TYR: variants seen among roughly 807,000 people sequenced by gnomAD.
TYR encodes tyrosinase, also known as LB24-AB.
In TYR, 58 loss-of-function variants were observed where a neutral mutation model predicts 51.5. That is an observed-to-expected ratio of 1.13 (90% CI 0.91 to 1.40). TYR has a LOEUF of 1.40. Ranked by LOEUF, TYR falls within the 40% of genes most tolerant of loss-of-function variation. The probability of loss-of-function intolerance (pLI) is 0.00; values close to 1 mark genes in which losing one functional copy is unlikely to be tolerated. For missense variants in TYR, 732 were observed against 647.4 expected, an observed-to-expected ratio of 1.13 and a Z score of -1.42; for synonymous variants, 263 against 235.2, an observed-to-expected ratio of 1.12 and a Z score of -1.08.
chr11:89,205,401 T>C (rs532292791), intron 2 of TYR, among the ~76,000 whole-genome samples: 2 of 152,096 alleles, frequency 1.3e-5, no homozygotes, highest in Non-Finnish European at 2.9e-5. Flanking sequence ...AATTAAAGAA[T>C]CAGAGTTAAA....
At chr11:89,227,153 T>C (rs1943986997) in intron 2 of TYR, among the ~76,000 whole-genome samples, 1 of 152,154 alleles carries the variant, frequency 6.6e-6, no homozygotes, top group Non-Finnish European at 1.5e-5. Flanking sequence ...GAAGAACATA[T>C]GTCACAATAA....
chr11:89,210,874 T>C (rs971263465), intron 2 of TYR, among the ~76,000 whole-genome samples: 6 of 152,164 alleles, frequency 3.9e-5, no homozygotes, highest in African/African-American at 1.4e-4. Context: ...GATTCCTAAG[T>C]GAAGGAGAAA....
intron 2 of TYR, among the ~76,000 whole-genome samples, chr11:89,219,160 G>T (rs1411277384): frequency 6.6e-6 from 1 of 152,052 alleles, no homozygotes; most frequent in Non-Finnish European, 1.5e-5. Flanking sequence ...TAATTTTCTA[G>T]CCCTATATAG....
intron 2 of TYR, among the ~76,000 whole-genome samples, chr11:89,198,909 C>T (rs900566498): frequency 6.6e-6 from 1 of 152,082 alleles, no homozygotes; most frequent in Non-Finnish European, 1.5e-5. Context: ...ATCCCTTCCC[C>T]TTACCCCTAC....
In TYR at chr11:89,286,609, G is replaced by T. The variant is rs1944790532; in HGVS notation, c.1366+1655G>T. ...TTGGGGCTAACAGGAGAGGCTATAG[G>T]TCATCAACCTTGTTCTGCCCTTTGA... On this transcript the variant is annotated intron_variant, in intron 4 of 4. Transcript: ENST00000263321. Among the ~76,000 whole-genome samples, 3 of 151,910 alleles carry T rather than the reference G, an allele frequency of 2.0e-5. 1 individual carries two copies. Among genetic ancestry groups the T allele is most frequent in the Middle Eastern group, 6.8e-3 (2 of 294 alleles).
chr11:89,245,363 G>A (rs1415465766), intron 3 of TYR, among the ~76,000 whole-genome samples: 1 of 152,158 alleles, frequency 6.6e-6, no homozygotes, highest in Admixed American at 6.5e-5. Flanking sequence ...GAAATTCCGA[G>A]AGGTTAAGTA....
chr11:89,233,527 G>A (rs1850098842), intron 3 of TYR, among the ~76,000 whole-genome samples: 1 of 139,662 alleles, frequency 7.2e-6, no homozygotes, highest in African/African-American at 2.9e-5. Flanking sequence ...AGATCCATCA[G>A]AGGAATCACT....
intron 3 of TYR, among the ~76,000 whole-genome samples, chr11:89,235,315 C>T (rs1030177979): frequency 2.0e-5 from 3 of 152,146 alleles, no homozygotes; most frequent in African/African-American, 7.2e-5. Flanking sequence ...ACTCATTCCA[C>T]TTCTGACTAT....
At chr11:89,254,893 T>C (rs1472365738) in intron 3 of TYR, among the ~76,000 whole-genome samples, 2 of 151,896 alleles carry the variant, frequency 1.3e-5, no homozygotes. Flanking sequence ...CTCTAGTTTC[T>C]TGAGGTGTGA....
chr11:89,286,211 C>G (rs994004070), intron 4 of TYR, among the ~76,000 whole-genome samples: 1 of 151,716 alleles, frequency 6.6e-6, no homozygotes, highest in African/African-American at 2.4e-5. Context: ...AATGAATAAG[C>G]AGGTGGCAGA....
At chr11:89,222,196 G>A (rs1225288503) in intron 2 of TYR, among the ~76,000 whole-genome samples, 1 of 152,140 alleles carries the variant, frequency 6.6e-6, no homozygotes, top group Non-Finnish European at 1.5e-5. Flanking sequence ...GGTAGTTTTT[G>A]AAGCATGAGC....
intron 2 of TYR, among the ~76,000 whole-genome samples, chr11:89,192,566 T>C (rs1943460032): frequency 6.6e-6 from 1 of 152,138 alleles, no homozygotes; most frequent in Non-Finnish European, 1.5e-5. Flanking sequence ...AGAGTGGTTT[T>C]ACTGTTTCAT....
At position 89,178,438 on chromosome 11, in the gene TYR, G is replaced by T; in HGVS notation, c.485G>T (p.Gly162Val). 6.2e-7 allele frequency: 1 copy of T among 1,614,124 alleles called. No individual in the cohort carries two copies. Among genetic ancestry groups the T allele is most frequent in the Non-Finnish European group, 8.5e-7 (1 of 1,180,026 alleles). The change falls in exon 1 of 5, where the codon GGA becomes GTA. Residue 162 changes from glycine (G) to valine (V), a missense_variant. Gly to Val is a moderately radical substitution (Grantham distance 109, BLOSUM62 -3). Transcript: ENST00000263321. ...PIGTYGQMKN[G>V]STPMFNDINI... ...GGGACCTATGGCCAAATGAAAAATG[G>T]ATCAACACCCATGTTTAACGACATC...
chr11:89,289,512 T>A (rs1944832731), intron 4 of TYR, among the ~76,000 whole-genome samples: 1 of 151,964 alleles, frequency 6.6e-6, no homozygotes, highest in Admixed American at 6.6e-5. Context: ...GATGCCTTTC[T>A]ATCTTCATCA....
At chr11:89,209,618 C>G (rs1943723910) in intron 2 of TYR, among the ~76,000 whole-genome samples, 1 of 152,164 alleles carries the variant, frequency 6.6e-6, no homozygotes, top group African/African-American at 2.4e-5. Context: ...GCTCTTGGAG[C>G]ACAGCGTTCG....
At chr11:89,256,982 CA>C (rs2135303935) in intron 3 of TYR, among the ~76,000 whole-genome samples, 1 of 151,840 alleles carries the variant, frequency 6.6e-6, no homozygotes, top group African/African-American at 2.4e-5. Context: ...CGGCCTAAAG[CA>C]TGTTGAAACT....
intron 3 of TYR, 142 bp downstream of exon 3, chr11:89,228,112 C>A (rs779903672): frequency 9.4e-6 from 9 of 956,082 alleles, no homozygotes; most frequent in Non-Finnish European, 1.4e-5. Flanking sequence ...CAAAACAGAC[C>A]TTAGGCTAAG....
intron 3 of TYR, among the ~76,000 whole-genome samples, chr11:89,276,889 G>T (rs1279929306): frequency 1.3e-5 from 2 of 151,666 alleles, no homozygotes; most frequent in African/African-American, 4.8e-5. Context: ...TTCCAATGTT[G>T]GTTGTACCGT....
intron 3 of TYR, among the ~76,000 whole-genome samples, chr11:89,272,536 T>C (rs1278941785): frequency 6.6e-6 from 1 of 151,886 alleles, no homozygotes; most frequent in African/African-American, 2.4e-5. Flanking sequence ...TTGATGGCCT[T>C]TGGACTTTTG....
Sources: allele counts gnomAD v4.1 joint callset (sites outside exome capture counted in the v4.1 genomes callset), GRCh38; gene constraint gnomAD v4.1.1; transcripts MANE v1.5; gene names NCBI Gene and HGNC (gene_info 2026-07-23, HGNC 2026-07-21).